The following NARS2 variants were observed in gnomAD, a reference collection of about 807,000 sequenced individuals.
The protein encoded by NARS2 is asparaginyl-tRNA synthetase 2, mitochondrial, also known as asparaginyl-tRNA synthetase.
NARS2 carries 60 observed loss-of-function variants against 62.9 expected under a neutral mutation model. The ratio of observed to expected loss-of-function variants is 0.95; its 90% CI spans 0.77 to 1.18. The LOEUF is 1.18. Among genes scored for constraint, NARS2 ranks in the 50% most tolerant of loss-of-function variants. The pLI is 0.00. For missense variants in NARS2, 619 were observed against 576.4 expected (o/e 1.07, Z -0.76); for synonymous variants, 196 against 200.0 (o/e 0.98, Z 0.17).
At chr11:78,460,886 GTAAC>G (rs1565212460) in intron 11 of NARS2, among the ~76,000 whole-genome samples, 1 of 152,174 alleles carries the variant, frequency 6.6e-6, no homozygotes, top group Non-Finnish European at 1.5e-5. Flanking sequence ...GGTTGTATCT[GTAAC>G]TAACATGTAC....
intron 12 of NARS2, among the ~76,000 whole-genome samples, chr11:78,441,873 T>C (rs1857586692): frequency 6.6e-6 from 1 of 152,198 alleles, no homozygotes; most frequent in South Asian, 2.1e-4. Flanking sequence ...TTGATTCTTG[T>C]TTGAGAACTA....
intron 11 of NARS2, among the ~76,000 whole-genome samples, chr11:78,461,006 G>GTA (rs1858372159): frequency 1.3e-5 from 2 of 152,142 alleles, no homozygotes; most frequent in African/African-American, 4.8e-5. Context: ...ATTATTTAAA[G>GTA]TATACAGGAG....
intron 7 of NARS2, among the ~76,000 whole-genome samples, chr11:78,481,803 G>C (rs886464072): frequency 1.3e-4 from 20 of 152,264 alleles, no homozygotes; most frequent in African/African-American, 4.3e-4. Flanking sequence ...AATTTCCAAG[G>C]AAAGTAATTT....
rs1374178092 is a variant in NARS2, at chr11:78,563,852, ATAT to A, written c.513+2277_513+2279del. On this transcript the variant is annotated intron_variant, in intron 4 of 13. Coordinates refer to ENST00000281038, the MANE Select transcript of NARS2 (RefSeq NM_024678.6). Reference sequence around the variant, plus strand: ...ATCAAAAAAAAAAAAAAAAAAAAAAATATATATATATATATATGTATACACACA... The same window carrying A: ...ATCAAAAAAAAAAAAAAAAAAAAAAAATATATATATATATGTATACACACA... Among the ~76,000 whole-genome samples the A allele has an allele frequency of 6.0e-3, 122 of 20,210 alleles. 2 individuals are homozygous for A. Among genetic ancestry groups the A allele is most frequent in the African/African-American group, 9.0e-3 (49 of 5,440 alleles). The allele number at this position is 20,210 out of a possible 152,430, so 13.3% of individuals were successfully genotyped here.
intron 7 of NARS2, among the ~76,000 whole-genome samples, chr11:78,482,371 G>A (rs907756986): frequency 1.3e-5 from 2 of 151,898 alleles, no homozygotes; most frequent in African/African-American, 4.8e-5. Context: ...TCAAAAGCTA[G>A]CAGAAGACAA....
chr11:78,522,119 ATTTTTTTT>A lies in NARS2; in HGVS notation c.689+6715_689+6722del, dbSNP rs59159824. On this transcript the variant is annotated intron_variant, in intron 6 of 13. Transcript: ENST00000281038. ...TGGTATGTGCCACTACATCCAGCTA[ATTTTTTTT>A]TTTTTTTTTTTGGTAGAGATAAGGT... 5.9e-5 allele frequency among the ~76,000 whole-genome samples: 8 copies of A among 134,930 alleles called. No homozygotes were observed. In the East Asian group the frequency reaches 8.5e-4, roughly 14 times the overall value. The allele number at this position is 134,930 out of a possible 152,430, so 88.5% of individuals were successfully genotyped here.
chr11:78,559,332 A>T (rs1856479321), intron 5 of NARS2, among the ~76,000 whole-genome samples: 1 of 137,546 alleles, frequency 7.3e-6, no homozygotes, highest in Non-Finnish European at 1.6e-5. Context: ...AAAAAAATTC[A>T]TTCTTACCTG....
At chr11:78,553,288 C>A (rs576028899) in intron 5 of NARS2, among the ~76,000 whole-genome samples, 9 of 151,856 alleles carry the variant, frequency 5.9e-5, no homozygotes, top group Admixed American at 5.9e-4. Context: ...TTTGCACCCC[C>A]CCTTTTTTTT....
At chr11:78,513,453 A>G (rs1860791261) in intron 6 of NARS2, among the ~76,000 whole-genome samples, 1 of 151,446 alleles carries the variant, frequency 6.6e-6, no homozygotes, top group African/African-American at 2.4e-5. Flanking sequence ...CATGAGTTCA[A>G]TTGTTTTGAT....
intron 9 of NARS2, among the ~76,000 whole-genome samples, chr11:78,474,577 A>C (rs1484142838): frequency 6.6e-6 from 1 of 152,212 alleles, no homozygotes; most frequent in Non-Finnish European, 1.5e-5. Context: ...AAGAAACCTC[A>C]GGAGAGGATC....
intron 6 of NARS2, among the ~76,000 whole-genome samples, chr11:78,512,341 A>C (rs1312228194): frequency 6.6e-6 from 1 of 152,284 alleles, no homozygotes; most frequent in East Asian, 1.9e-4. Flanking sequence ...CCTGCCAGCT[A>C]TTTCTTCCTG....
intron 11 of NARS2, among the ~76,000 whole-genome samples, chr11:78,464,629 G>A (rs1423616269): frequency 6.6e-6 from 1 of 152,144 alleles, no homozygotes; most frequent in Non-Finnish European, 1.5e-5. Flanking sequence ...ACAGGGTGCT[G>A]ATTGGTGTGT....
At chr11:78,567,272 T>C (rs1856774439) in intron 3 of NARS2, among the ~76,000 whole-genome samples, 1 of 152,184 alleles carries the variant, frequency 6.6e-6, no homozygotes, top group South Asian at 2.1e-4. Flanking sequence ...TTATGTTTTT[T>C]CTTCCACAAC....
chr11:78,541,784 G>T (rs567816866), intron 5 of NARS2, among the ~76,000 whole-genome samples: 9 of 152,288 alleles, frequency 5.9e-5, no homozygotes, highest in Admixed American at 4.6e-4. Context: ...TTGTGGGTTG[G>T]TAGTTTCATG....
intron 5 of NARS2, among the ~76,000 whole-genome samples, chr11:78,549,156 G>C (rs1565276052): frequency 1.3e-5 from 2 of 152,188 alleles, no homozygotes; most frequent in Non-Finnish European, 2.9e-5. Context: ...CTCCACCTTG[G>C]GCATGGTGCT....
chr11:78,478,097 T>G (rs1282263381), intron 9 of NARS2, among the ~76,000 whole-genome samples: 1 of 152,144 alleles, frequency 6.6e-6, no homozygotes, highest in Non-Finnish European at 1.5e-5. Context: ...GTTTTTACAG[T>G]TTTTTAAATC....
At chr11:78,498,869 T>G (rs1379604647) in intron 6 of NARS2, among the ~76,000 whole-genome samples, 1 of 150,478 alleles carries the variant, frequency 6.6e-6, no homozygotes, top group Non-Finnish European at 1.5e-5. Context: ...TTTGGTTCAT[T>G]ATGGCATCCT....
chr11:78,491,336 G>A (rs1375656806), intron 7 of NARS2, among the ~76,000 whole-genome samples: 2 of 152,218 alleles, frequency 1.3e-5, no homozygotes, highest in Non-Finnish European at 2.9e-5. Flanking sequence ...GATCCAAAAT[G>A]CTCAGCGGGA....
intron 7 of NARS2, among the ~76,000 whole-genome samples, chr11:78,481,801 A>C (rs1352889936): frequency 1.3e-5 from 2 of 152,214 alleles, no homozygotes; most frequent in Non-Finnish European, 2.9e-5. Flanking sequence ...CTAATTTCCA[A>C]GGAAAGTAAT....
Sources: allele counts gnomAD v4.1 joint callset (sites outside exome capture counted in the v4.1 genomes callset), GRCh38; gene constraint gnomAD v4.1.1; transcripts MANE v1.5; gene names NCBI Gene and HGNC (gene_info 2026-07-23, HGNC 2026-07-21).